NARS2: variants seen among roughly 807,000 people sequenced by gnomAD.
NARS2 encodes asparaginyl-tRNA synthetase.
Under a neutral mutation model 62.9 loss-of-function variants are expected in NARS2, and 60 were observed. The ratio of observed to expected loss-of-function variants is 0.95; its 90% CI spans 0.77 to 1.18. The LOEUF (loss-of-function observed/expected upper bound fraction) is 1.18, where lower values mean the gene tolerates loss of function less well. NARS2 is among the 50% of genes most tolerant of loss of function. The probability of loss-of-function intolerance (pLI) is 0.00; values close to 1 mark genes in which losing one functional copy is unlikely to be tolerated. For missense variants in NARS2, 619 were observed against 576.4 expected, an observed-to-expected ratio of 1.07 and a Z score of -0.76; for synonymous variants, 196 against 200.0, an observed-to-expected ratio of 0.98 and a Z score of 0.17.
chr11:78,444,727 C>CAAAGAAAAAAAAAAAAAA (rs56788561), intron 11 of NARS2, among the ~76,000 whole-genome samples: 2 of 92,414 alleles, frequency 2.2e-5, no homozygotes, highest in African/African-American at 3.6e-5. Flanking sequence ...TCAAACAAAA[C>CAAAGAAAAAAAAAAAAAA]AAAAAAAAAA....
intron 7 of NARS2, among the ~76,000 whole-genome samples, chr11:78,492,845 T>C (rs1021067444): frequency 7.9e-5 from 12 of 152,182 alleles, no homozygotes; most frequent in African/African-American, 2.7e-4. Flanking sequence ...GGGAACTTCA[T>C]AGCAAAGCTA....
intron 6 of NARS2, among the ~76,000 whole-genome samples, chr11:78,521,545 C>T (rs1861122706): frequency 6.6e-6 from 1 of 152,094 alleles, no homozygotes; most frequent in Non-Finnish European, 1.5e-5. Flanking sequence ...AATCCCAGCA[C>T]TTTGGGAGGC....
At chr11:78,493,014 A>G in intron 7 of NARS2, 49 bp downstream of exon 7, 1 of 1,454,182 alleles carries the variant, frequency 6.9e-7, no homozygotes, top group Non-Finnish European at 9.2e-7. Context: ...TATATACAGA[A>G]ACATTTTAAT....
chr11:78,551,252 G>A (rs1313160068), intron 5 of NARS2, among the ~76,000 whole-genome samples: 1 of 152,182 alleles, frequency 6.6e-6, no homozygotes, highest in African/African-American at 2.4e-5. Context: ...TTTCACTGTT[G>A]TGCGAACATC....
intron 6 of NARS2, among the ~76,000 whole-genome samples, chr11:78,506,427 A>G (rs1001176898): frequency 2.6e-5 from 4 of 152,208 alleles, no homozygotes; most frequent in Admixed American, 1.3e-4. Flanking sequence ...GGAAACAACT[A>G]AGTATCAAAC....
At chr11:78,453,052 T>G (rs962283222) in intron 11 of NARS2, among the ~76,000 whole-genome samples, 2 of 152,328 alleles carry the variant, frequency 1.3e-5, no homozygotes, top group Middle Eastern at 3.4e-3. Flanking sequence ...TTGACCAAAT[T>G]TGAGCACTTT....
chr11:78,448,257 C>T (rs1857832678), intron 11 of NARS2, among the ~76,000 whole-genome samples: 3 of 151,398 alleles, frequency 2.0e-5, no homozygotes, highest in East Asian at 1.9e-4. Context: ...ATATTCAAAA[C>T]CTATCATTTT....
intron 6 of NARS2, among the ~76,000 whole-genome samples, chr11:78,512,600 G>T (rs1565249509): frequency 6.6e-6 from 1 of 152,118 alleles, no homozygotes; most frequent in Non-Finnish European, 1.5e-5. Context: ...ATATAAAGTA[G>T]CCAGAATTCC....
rs139972562 is a variant in NARS2 at position 78,494,331 on chromosome 11, C to G, written c.690-1136G>C. ...ATGTTAAGGTTTTGTTAGAACAAAG[C>G]AAGCTGTTTGAGGCTCCTTAGCTAT... On this transcript the variant is annotated intron_variant, in intron 6 of 13. Coordinates refer to ENST00000281038, the MANE Select transcript of NARS2 (RefSeq NM_024678.6). 3.9e-3 allele frequency among the ~76,000 whole-genome samples: 599 copies of G among 152,258 alleles called. 2 individuals carry two copies. Among genetic ancestry groups the G allele is most frequent in the African/African-American group, 0.014 (575 of 41,564 alleles).
chr11:78,518,835 G>A (rs61297614), intron 6 of NARS2, among the ~76,000 whole-genome samples: 14,908 of 152,016 alleles, frequency 0.098, 2,357 homozygotes, highest in African/African-American at 0.33. Context: ...TCTTTATGAC[G>A]TGAAATGAAT....
intron 7 of NARS2, among the ~76,000 whole-genome samples, chr11:78,491,221 T>C (rs768291724): frequency 1.3e-4 from 20 of 152,332 alleles, no homozygotes; most frequent in African/African-American, 1.9e-4. Flanking sequence ...CTTTAGGTTG[T>C]TGAACAGCAC....
chr11:78,443,133 G>A (rs1397998621), intron 12 of NARS2, among the ~76,000 whole-genome samples: 4 of 151,972 alleles, frequency 2.6e-5, no homozygotes, highest in Non-Finnish European at 2.9e-5. Flanking sequence ...AGACCATCCC[G>A]GCTAACACGG....
chr11:78,454,326 T>C (rs1323642229), intron 11 of NARS2, among the ~76,000 whole-genome samples: 1 of 152,062 alleles, frequency 6.6e-6, no homozygotes, highest in Non-Finnish European at 1.5e-5. Context: ...TAGGGGCAGG[T>C]GTTGGATCAT....
intron 11 of NARS2, among the ~76,000 whole-genome samples, chr11:78,461,843 C>T (rs970579164): frequency 5.3e-5 from 8 of 150,856 alleles, no homozygotes; most frequent in Admixed American, 4.0e-4. Context: ...GTCCCAGCTA[C>T]TCGGGAGGCT....
rs764254167 is a variant in NARS2 at position 78,468,310 on chromosome 11, G to GAAAAAAAA, written c.1026+929_1026+936dup. 2.0e-3 allele frequency among the ~76,000 whole-genome samples: 137 copies of GAAAAAAAA among 67,352 alleles called. 2 individuals carry two copies. Among genetic ancestry groups the GAAAAAAAA allele is most frequent in the African/African-American group, 7.0e-3 (120 of 17,038 alleles). 44.2% of individuals were successfully genotyped at this position (67,352 alleles called of 152,430 possible). A position where few individuals can be genotyped will look rare whatever the true frequency, so the allele number is the denominator to read the frequency against. ...ACCTGCTTCTGCAAGCACTAAATCT[G>GAAAAAAAA]AAAAAAAAAAAAAAAAAAGAAAAAA... On this transcript the variant is annotated intron_variant, in intron 10 of 13. Coordinates refer to ENST00000281038, the MANE Select transcript of NARS2 (RefSeq NM_024678.6).
intron 7 of NARS2, among the ~76,000 whole-genome samples, chr11:78,490,382 A>G (rs1006141675): frequency 2.0e-5 from 3 of 152,226 alleles, no homozygotes; most frequent in Non-Finnish European, 4.4e-5. Context: ...GTACAAGGCA[A>G]TGCTCTGAAT....
chr11:78,536,249 ATATT>A (rs1244534712), intron 5 of NARS2, among the ~76,000 whole-genome samples: 4 of 152,196 alleles, frequency 2.6e-5, no homozygotes, highest in Non-Finnish European at 4.4e-5. Context: ...ACTGATTTAC[ATATT>A]TATTATACTA....
chr11:78,449,702 T>C (rs1006991561), intron 11 of NARS2, among the ~76,000 whole-genome samples: 10 of 152,194 alleles, frequency 6.6e-5, no homozygotes, highest in Non-Finnish European at 1.5e-4. Flanking sequence ...TACTTCTTTG[T>C]TGTGGAGGCC....
intron 6 of NARS2, among the ~76,000 whole-genome samples, chr11:78,507,175 C>T (rs184272592): frequency 1.7e-4 from 23 of 133,486 alleles, no homozygotes; most frequent in African/African-American, 5.2e-4. Context: ...CACCCTGCCC[C>T]GGTATTATTT....
Sources: gnomAD v4.1 joint callset for allele counts (sites outside exome capture counted in the v4.1 genomes callset) on GRCh38, gnomAD v4.1.1 for gene constraint, MANE v1.5 for transcripts, NCBI Gene and HGNC (gene_info 2026-07-23, HGNC 2026-07-21) for gene names.